CDH18: variants seen among roughly 807,000 people sequenced by gnomAD.
CDH18 encodes cadherin 18, also known as cadherin-18.
CDH18 carries 31 observed loss-of-function variants against 67.9 expected under a neutral mutation model. That is an observed-to-expected ratio of 0.46 (90% CI 0.34 to 0.62). The LOEUF (loss-of-function observed/expected upper bound fraction) is 0.62, where lower values mean the gene tolerates loss of function less well. CDH18 is among the 20% of genes least tolerant of loss of function. CDH18 has a pLI of 0.01. For synonymous variants in CDH18, 362 were observed against 347.2 expected (o/e 1.04, Z -0.48); for missense variants, 890 against 975.5 (o/e 0.91, Z 1.17).
At chr5:19,846,353 T>C (rs562668902) in intron 2 of CDH18, among the ~76,000 whole-genome samples, 1 of 152,258 alleles carries the variant, frequency 6.6e-6, no homozygotes, top group South Asian at 2.1e-4. Context: ...TTATGTTGTG[T>C]ACCAATTAAT....
intron 3 of CDH18, among the ~76,000 whole-genome samples, chr5:19,833,590 T>C (rs1311318804): frequency 6.6e-6 from 1 of 152,180 alleles, no homozygotes; most frequent in Non-Finnish European, 1.5e-5. Flanking sequence ...GGCATCGTTG[T>C]CTTGTATTAG....
chr5:19,900,701 T>A (rs1472201857), intron 2 of CDH18, among the ~76,000 whole-genome samples: 1 of 152,178 alleles, frequency 6.6e-6, no homozygotes, highest in African/African-American at 2.4e-5. Flanking sequence ...AATGGATATA[T>A]ACCAATTTTT....
upstream of CDH18, among the ~76,000 whole-genome samples, chr5:19,993,046 C>A (rs913237648): frequency 6.6e-6 from 1 of 152,098 alleles, no homozygotes; most frequent in Non-Finnish European, 1.5e-5. Flanking sequence ...TTTATCAATA[C>A]CATTAACACC....
chr5:19,769,290 C>G (rs1388650035), intron 3 of CDH18, among the ~76,000 whole-genome samples: 1 of 151,960 alleles, frequency 6.6e-6, no homozygotes, highest in Non-Finnish European at 1.5e-5. Flanking sequence ...CAAAACAAAG[C>G]CAGAATCCTG....
chr5:20,212,415 G>A (rs1033350976), intron 2 of CDH18, among the ~76,000 whole-genome samples: 1 of 151,966 alleles, frequency 6.6e-6, no homozygotes, highest in African/African-American at 2.4e-5. Flanking sequence ...TTCAAATTCA[G>A]GAAATACAGA....
chr5:19,625,443 A>G (rs1378717147), intron 5 of CDH18, among the ~76,000 whole-genome samples: 1 of 151,762 alleles, frequency 6.6e-6, no homozygotes, highest in Non-Finnish European at 1.5e-5. Flanking sequence ...CTCAAATACC[A>G]CAAACTGAGT....
In CDH18 at chr5:20,205,825, G is replaced by A. The variant is rs144101113; in HGVS notation, c.-518+49619C>T. 5.6e-4 allele frequency among the ~76,000 whole-genome samples: 85 copies of A among 151,656 alleles called. 1 individual carries two copies. In the South Asian group the frequency reaches 8.3e-3, roughly 15 times the overall value. ...CAATTGAAAATGTAAATACAACACC[G>A]CAAAATCCATGGGATATGGCAAAAG... On this transcript the variant is annotated intron_variant, in intron 2 of 14. Transcript: ENST00000507958.
intron 9 of CDH18, 68 bp from the exon 10 acceptor site, chr5:19,520,846 C>A: frequency 6.6e-7 from 1 of 1,511,384 alleles, no homozygotes; most frequent in Non-Finnish European, 9.0e-7. Context: ...TAAAACAAAT[C>A]TCTTTAATAC....
intron 2 of CDH18, among the ~76,000 whole-genome samples, chr5:20,013,821 G>C (rs1005827925): frequency 7.2e-5 from 11 of 151,992 alleles, no homozygotes; most frequent in African/African-American, 2.7e-4. Flanking sequence ...TCTAAAATTA[G>C]AATATCACTT....
intron 8 of CDH18, among the ~76,000 whole-genome samples, chr5:19,545,648 G>A (rs953693169): frequency 6.6e-6 from 1 of 152,146 alleles, no homozygotes; most frequent in Admixed American, 6.6e-5. Context: ...AATCACAGGT[G>A]ACTCCATTTC....
At chr5:20,349,414 A>G (rs1200244999) in intron 1 of CDH18, among the ~76,000 whole-genome samples, 1 of 152,164 alleles carries the variant, frequency 6.6e-6, no homozygotes, top group Non-Finnish European at 1.5e-5. Flanking sequence ...TTTTGCCTCT[A>G]ATCTTCAGAA....
chr5:19,675,581 C>G (rs1759373253), intron 5 of CDH18, among the ~76,000 whole-genome samples: 1 of 152,036 alleles, frequency 6.6e-6, no homozygotes. Context: ...CCACAGGCAG[C>G]CAGACTTTAA....
intron 2 of CDH18, among the ~76,000 whole-genome samples, chr5:20,207,713 T>C (rs114229566): frequency 0.011 from 1,692 of 152,200 alleles, 32 homozygotes; most frequent in African/African-American, 0.038. Flanking sequence ...TTATAGGAGC[T>C]ACAAGATGAG....
intron 1 of CDH18, among the ~76,000 whole-genome samples, chr5:20,489,832 C>T (rs1010461065): frequency 6.6e-6 from 1 of 151,602 alleles, no homozygotes; most frequent in African/African-American, 2.4e-5. Context: ...TAGGGAATAA[C>T]AATGTTTACT....
intron 1 of CDH18, among the ~76,000 whole-genome samples, chr5:20,551,051 AT>A (rs1485009411): frequency 6.6e-6 from 1 of 152,200 alleles, no homozygotes; most frequent in Non-Finnish European, 1.5e-5. Context: ...CTGGCAATTC[AT>A]TACAACAGAA....
At chr5:20,177,487 T>C (rs1023054789) in intron 2 of CDH18, among the ~76,000 whole-genome samples, 2 of 152,046 alleles carry the variant, frequency 1.3e-5, no homozygotes, top group Admixed American at 6.6e-5. Flanking sequence ...ATAGCTATTC[T>C]TTTTTTTCTC....
At chr5:19,482,185 A>G (rs533508146) in intron 12 of CDH18, among the ~76,000 whole-genome samples, 2 of 151,904 alleles carry the variant, frequency 1.3e-5, no homozygotes, top group East Asian at 1.9e-4. Flanking sequence ...GCGCGATCTC[A>G]GCTCACTGCC....
chr5:20,426,533 A>G (rs1277238112), intron 1 of CDH18, among the ~76,000 whole-genome samples: 1 of 151,130 alleles, frequency 6.6e-6, no homozygotes, highest in Non-Finnish European at 1.5e-5. Context: ...CCACTTTTTA[A>G]TCCACTGTAT....
chr5:19,975,123 G>C (rs1798378195), intron 2 of CDH18, among the ~76,000 whole-genome samples: 1 of 151,996 alleles, frequency 6.6e-6, no homozygotes. Context: ...AATTATAAAT[G>C]ATACATTATA....
Sources: allele counts gnomAD v4.1 joint callset (sites outside exome capture counted in the v4.1 genomes callset), GRCh38; gene constraint gnomAD v4.1.1; transcripts MANE v1.5; gene names NCBI Gene and HGNC (gene_info 2026-07-23, HGNC 2026-07-21).